RPL28: variants seen among roughly 807,000 people sequenced by gnomAD.
RPL28 encodes the protein ribosomal protein L28, also known as large ribosomal subunit protein eL28.
Under a neutral mutation model 12.5 loss-of-function variants are expected in RPL28, and 4 were observed. The ratio of observed to expected loss-of-function variants is 0.32; its 90% confidence interval spans 0.16 to 0.73. The LOEUF is 0.73. Among genes scored for constraint, RPL28 ranks in the 30% least tolerant of loss-of-function variants. The pLI, the probability that RPL28 is intolerant of heterozygous loss-of-function variation, is 0.66. For missense variants in RPL28, 214 were observed against 197.7 expected, an observed-to-expected ratio of 1.08 and a Z score of -0.49; for synonymous variants, 91 against 72.5, an observed-to-expected ratio of 1.26 and a Z score of -1.30.
At position 55,390,042 on chromosome 19, in the gene RPL28, T is replaced by G. The variant is rs1438293174; in HGVS notation, c.*1710T>G. ...CCCCTGGCACCTGCTTCAGTTGTCCTCCACAGCACTGATTTGCAGCCCACA... is the reference window on the plus strand; with the variant it reads ...CCCCTGGCACCTGCTTCAGTTGTCCGCCACAGCACTGATTTGCAGCCCACA... On this transcript the variant is annotated 3_prime_UTR_variant, in exon 5 of 5. Transcript: ENST00000344063. 35 of 985,406 alleles carry G rather than the reference T, an allele frequency of 3.6e-5. No individual in the cohort carries two copies. Among genetic ancestry groups the G allele is most frequent in the Non-Finnish European group, 4.1e-5 (34 of 829,986 alleles). The allele number at this position is 985,406 out of a possible 1,614,324, so 61.0% of individuals were successfully genotyped here.
chr19:55,388,961 C>A lies in RPL28; in HGVS notation c.*629C>A. On this transcript the variant is annotated 3_prime_UTR_variant, in exon 5 of 5. Transcript: ENST00000344063. ...GGCATTGAGCAGCCTTAGCATTGTC[C>A]CCCTACTCCCGTCCTCCAGGTGTCC... The A allele has an allele frequency of 1.0e-6, 1 of 985,440 alleles. No homozygotes were observed. The highest frequency in any genetic ancestry group is 1.2e-6 in the Non-Finnish European group (1 of 829,956). The allele number at this position is 985,440 out of a possible 1,614,324, so 61.0% of individuals were successfully genotyped here.
intron 4 of RPL28, among the ~76,000 whole-genome samples, chr19:55,402,051 C>T (rs1600318580): frequency 6.6e-6 from 1 of 152,184 alleles, no homozygotes; most frequent in African/African-American, 2.4e-5. Context: ...ACGGGGGAAA[C>T]GCCAAGGCCC....
chr19:55,402,851 C>T, intron 4 of RPL28: 2 of 1,066,730 alleles, frequency 1.9e-6, no homozygotes, highest in Middle Eastern at 2.8e-4. Context: ...CAATCCTCTC[C>T]CTCCCCATGG....
At chr19:55,398,096 T>C (rs1019109114) in intron 4 of RPL28, among the ~76,000 whole-genome samples, 13 of 152,188 alleles carry the variant, frequency 8.5e-5, no homozygotes, top group African/African-American at 3.1e-4. Flanking sequence ...CTCGGGAGTC[T>C]GAGGCATGAA....
chr19:55,396,574 A>T (rs1317325209), downstream of RPL28, among the ~76,000 whole-genome samples: 3 of 15,242 alleles, frequency 2.0e-4, no homozygotes, highest in Admixed American at 1.2e-3. Context: ...TCCCCTCCCC[A>T]TCCCTCCCCT....
intron 4 of RPL28, among the ~76,000 whole-genome samples, chr19:55,397,411 G>A (rs904291906): frequency 5.9e-5 from 9 of 152,030 alleles, no homozygotes; most frequent in Non-Finnish European, 1.2e-4. Flanking sequence ...ACGGAGTCTC[G>A]CTCTGTCTCC....
chr19:55,397,698 G>A (rs1318817584), intron 4 of RPL28, among the ~76,000 whole-genome samples: 1 of 149,178 alleles, frequency 6.7e-6, no homozygotes, highest in African/African-American at 2.5e-5. Context: ...TTTTAAACCT[G>A]TTGTGTATGT....
intron 4 of RPL28, among the ~76,000 whole-genome samples, chr19:55,397,225 C>G (rs1201895868): frequency 6.6e-6 from 1 of 152,192 alleles, no homozygotes; most frequent in Non-Finnish European, 1.5e-5. Context: ...GTATGTTTAG[C>G]AGGAGAATTT....
At position 55,388,181 on chromosome 19, in the gene RPL28, T is replaced by A. The variant is rs10411984; in HGVS notation, c.325-62T>A. Reference sequence around the variant, plus strand: ...TCAGCCTACTCCCCACACCCAGCATTGGCCTAGGGGGCGGCTTGTGGAGTG... The same window carrying A: ...TCAGCCTACTCCCCACACCCAGCATAGGCCTAGGGGGCGGCTTGTGGAGTG... On this transcript the variant is annotated intron_variant, in intron 4 of 4. Coordinates refer to ENST00000344063, the MANE Select transcript of RPL28 (RefSeq NM_000991.5). 7.0e-4 allele frequency: 1,064 copies of A among 1,524,234 alleles called. 8 individuals are homozygous for A. In the African/African-American group the frequency reaches 0.013, roughly 18 times the overall value. 94.4% of individuals were successfully genotyped at this position (1,524,234 alleles called of 1,614,324 possible).
At chr19:55,387,184 G>A in intron 3 of RPL28, 1 of 1,340,830 alleles carries the variant, frequency 7.5e-7, no homozygotes, top group Non-Finnish European at 1.0e-6. Flanking sequence ...TCAGGTGCAG[G>A]CCTTTTTGGG....
intron 4 of RPL28, among the ~76,000 whole-genome samples, chr19:55,398,903 C>T (rs1409364067): frequency 1.3e-5 from 2 of 152,098 alleles, no homozygotes; most frequent in Admixed American, 6.5e-5. Flanking sequence ...GGTTTCGCCA[C>T]GTTGGGCAGG....
chr19:55,396,737 C>T (rs112512646), downstream of RPL28, among the ~76,000 whole-genome samples: 38 of 148,812 alleles, frequency 2.6e-4, no homozygotes, highest in East Asian at 2.6e-3. Flanking sequence ...CCCACCACCA[C>T]GCCCGGCTAA....
In RPL28 at chr19:55,390,041, C is replaced by T. The variant is rs1195401749; in HGVS notation, c.*1709C>T. ...TCCCCTGGCACCTGCTTCAGTTGTC[C>T]TCCACAGCACTGATTTGCAGCCCAC... is the stretch of plus-strand genomic sequence containing the variant. On this transcript the variant is annotated 3_prime_UTR_variant, in exon 5 of 5. Coordinates refer to ENST00000344063, the MANE Select transcript of RPL28 (RefSeq NM_000991.5). 4.1e-6 allele frequency: 4 copies of T among 985,538 alleles called. No homozygotes were observed. The Admixed American group carries it at 1.8e-4, about 45-fold the overall frequency. 61.0% of individuals were successfully genotyped at this position (985,538 alleles called of 1,614,324 possible).
In RPL28 at chr19:55,389,708, C is replaced by G. The variant is rs1330464001; in HGVS notation, c.*1376C>G. 2 of 985,468 alleles carry G rather than the reference C, an allele frequency of 2.0e-6. No homozygotes were observed. Among genetic ancestry groups the G allele is most frequent in the Non-Finnish European group, 2.4e-6 (2 of 830,032 alleles). The allele number at this position is 985,468 out of a possible 1,614,324, so 61.0% of individuals were successfully genotyped here. A position where few individuals can be genotyped will look rare whatever the true frequency, so the allele number is the denominator to read the frequency against. ...GATCTGACCACTTGCCAGCCCCTGT[C>G]TGCTGTGAATTACCATTTCCTTTGT... is the stretch of plus-strand genomic sequence containing the variant. On this transcript the variant is annotated 3_prime_UTR_variant, in exon 5 of 5. Transcript: ENST00000344063.
chr19:55,398,205 AAAAG>A (rs952106745), intron 4 of RPL28, among the ~76,000 whole-genome samples: 8 of 124,314 alleles, frequency 6.4e-5, no homozygotes, highest in Middle Eastern at 4.0e-3. Flanking sequence ...CAAAAAAACA[AAAAG>A]AAAGAAATGG....
rs2089962425 is a variant in RPL28 at position 55,388,869 on chromosome 19, A to T, written c.*537A>T. The T allele has an allele frequency of 1.0e-6, 1 of 986,046 alleles. No individual in the cohort carries two copies. The highest frequency in any genetic ancestry group is 1.7e-5 in the African/African-American group (1 of 57,372). The allele number at this position is 986,046 out of a possible 1,614,324, so 61.1% of individuals were successfully genotyped here. On this transcript the variant is annotated 3_prime_UTR_variant, in exon 5 of 5. Coordinates refer to ENST00000344063, the MANE Select transcript of RPL28 (RefSeq NM_000991.5). ...TACTTGATGCAACCTCATCTCTGAG[A>T]TGGGCAACTTGGTGGGTGGTGGCTT...
chr19:55,387,443 T>C (rs2089943210), intron 3 of RPL28: 1 of 1,516,188 alleles, frequency 6.6e-7, no homozygotes, highest in East Asian at 2.5e-5. Flanking sequence ...GGGACCCCGT[T>C]CTGGGGAGTC....
chr19:55,399,333 A>G (rs2090041348), intron 4 of RPL28, among the ~76,000 whole-genome samples: 1 of 151,928 alleles, frequency 6.6e-6, no homozygotes, highest in Non-Finnish European at 1.5e-5. Flanking sequence ...CGTCCAGCTA[A>G]TTTTTGTATT....
At chr19:55,392,648 T>A (rs993526455), downstream of RPL28, among the ~76,000 whole-genome samples, 4 of 151,610 alleles carry the variant, frequency 2.6e-5, no homozygotes, top group Non-Finnish European at 5.9e-5. Flanking sequence ...TGCCCCAGCC[T>A]CCCCAGGAGC....
Sources: gnomAD v4.1 joint callset for allele counts (sites outside exome capture counted in the v4.1 genomes callset) on GRCh38, gnomAD v4.1.1 for gene constraint, MANE v1.5 for transcripts, NCBI Gene and HGNC (gene_info 2026-07-23, HGNC 2026-07-21) for gene names.